Variants in ZNF763 observed in about 807,000 individuals in gnomAD.
The protein encoded by ZNF763 is zinc finger protein 763.
In ZNF763, 33 loss-of-function variants were observed where a neutral mutation model predicts 38.0. The observed-to-expected ratio is 0.87, with a 90% CI of 0.66 to 1.16. The LOEUF is 1.16. Among genes scored for constraint, ZNF763 ranks in the 50% most tolerant of loss-of-function variants. ZNF763 has a pLI of 0.00. For synonymous variants in ZNF763, 155 were observed against 160.1 expected, an observed-to-expected ratio of 0.97 and a Z score of 0.24; for missense variants, 423 against 469.1, an observed-to-expected ratio of 0.90 and a Z score of 0.91.
Position 11,978,619 on chromosome 19 carries a change from A to G in ZNF763, c.695A>G (p.Gln232Arg), listed in dbSNP as rs759495369. The change falls in exon 4 of 4, where the codon CAA becomes CGA. Residue 232 changes from glutamine to arginine, a missense_variant. Physicochemically the swap from Gln to Arg is conservative, Grantham distance 43 (BLOSUM62 1). Transcript: ENST00000358987. Reference protein sequence around the residue: ...HTGEKPYECKQCVKSFSYSAT... With the variant: ...HTGEKPYECKRCVKSFSYSAT... ...GGAGAGAAACCGTATGAATGTAAAC[A>G]ATGTGTTAAATCCTTTAGTTATTCT... The G allele has an allele frequency of 1.2e-6, 2 of 1,614,098 alleles. No homozygotes were observed. Among genetic ancestry groups the G allele is most frequent in the East Asian group, 4.5e-5 (2 of 44,868 alleles).
Position 11,979,470 on chromosome 19 carries a change from C to A in ZNF763, c.*361C>A, listed in dbSNP as rs1464741032. 1.9e-6 allele frequency: 3 copies of A among 1,598,686 alleles called. No homozygotes were observed. The highest frequency in any genetic ancestry group is 3.4e-5 in the Admixed American group (2 of 58,960). Reference sequence around the variant, plus strand: ...GGAGAAAGACCTTATAAATGTAAGACATGTGGGAAAGGCTTTTATTCTCCC... The same window carrying A: ...GGAGAAAGACCTTATAAATGTAAGAAATGTGGGAAAGGCTTTTATTCTCCC... On this transcript the variant is annotated 3_prime_UTR_variant, in exon 4 of 4. Transcript: ENST00000358987.
rs374067362 is a variant in ZNF763 at position 11,977,025 on chromosome 19, T to C, written c.4-13T>C. ...TCTCACCCAGCCTCCTCTACACATG[T>C]GAGATGTTTCAGGACCCTGTGGCCT... is the stretch of plus-strand genomic sequence containing the variant. On this transcript the variant is annotated splice_polypyrimidine_tract_variant and intron_variant, in intron 1 of 3. Transcript: ENST00000358987. The C allele has an allele frequency of 6.3e-7, 1 of 1,598,980 alleles. No homozygotes were observed. Among genetic ancestry groups the C allele is most frequent in the Non-Finnish European group, 8.6e-7 (1 of 1,166,378 alleles).
chr19:11,967,857 A>G (rs1285665230), intron 1 of ZNF763, among the ~76,000 whole-genome samples: 4 of 152,360 alleles, frequency 2.6e-5, no homozygotes, highest in African/African-American at 9.6e-5. Flanking sequence ...AGCTGTGCCT[A>G]CGTGCATGTG....
At position 11,965,230 on chromosome 19, in the gene ZNF763, T is replaced by TTG. The variant is rs756769443; in HGVS notation, c.3+21_3+22dup. 6.2e-7 allele frequency: 1 copy of TTG among 1,613,934 alleles called. No individual in the cohort carries two copies. The highest frequency in any genetic ancestry group is 1.7e-5 in the Admixed American group (1 of 60,026). ...GGAAATGGTGCGTGTGCATAGCCGG[T>TTG]TGTCCCGAGACGGGGTAGAGGCTGC... is the stretch of plus-strand genomic sequence containing the variant. On this transcript the variant is annotated intron_variant, in intron 1 of 3. Coordinates refer to ENST00000358987, the MANE Select transcript of ZNF763 (RefSeq NM_001367172.2).
chr19:11,971,524 G>A (rs1251196865), intron 1 of ZNF763, among the ~76,000 whole-genome samples: 2 of 151,872 alleles, frequency 1.3e-5, no homozygotes, highest in South Asian at 2.1e-4. Flanking sequence ...TCAGTTTTTA[G>A]AAGTACTTTT....
At chr19:11,974,931 T>A (rs1222021607) in intron 1 of ZNF763, among the ~76,000 whole-genome samples, 1 of 152,158 alleles carries the variant, frequency 6.6e-6, no homozygotes, top group East Asian at 1.9e-4. Context: ...CATTACTTAC[T>A]GTGAAACAAA....
chr19:11,967,778 A>G (rs1417216385), intron 1 of ZNF763, among the ~76,000 whole-genome samples: 8 of 152,236 alleles, frequency 5.3e-5, no homozygotes, highest in Admixed American at 5.2e-4. Flanking sequence ...ATCCTCATAA[A>G]GCAAGTGGAG....
At chr19:11,976,603 A>C (rs1194205069) in intron 1 of ZNF763, among the ~76,000 whole-genome samples, 3 of 150,164 alleles carry the variant, frequency 2.0e-5, no homozygotes, top group African/African-American at 7.4e-5. Context: ...GTGGTGGCTC[A>C]TGCCTGTAAT....
rs976753161 is a variant in ZNF763, at chr19:11,979,642, T to G, written c.*533T>G. The G allele has an allele frequency of 4.7e-5, 75 of 1,605,366 alleles. No individual in the cohort carries two copies. The highest frequency in any genetic ancestry group is 5.6e-5 in the Non-Finnish European group (66 of 1,173,770). ...AGAAACCCTATGAGTGTAAGCAATG[T>G]GGGAAAGCCTTCAGATCTGCCTCAA... On this transcript the variant is annotated 3_prime_UTR_variant, in exon 4 of 4. Transcript: ENST00000358987.
At position 11,979,615 on chromosome 19, in the gene ZNF763, A is replaced by T. The variant is rs1007108064; in HGVS notation, c.*506A>T. ...GGTACCATGAAAGGACTCACACTGG[A>T]GAGAAACCCTATGAGTGTAAGCAAT... On this transcript the variant is annotated 3_prime_UTR_variant, in exon 4 of 4. Coordinates refer to ENST00000358987, the MANE Select transcript of ZNF763 (RefSeq NM_001367172.2). 1 of 1,605,860 alleles carries T rather than the reference A, an allele frequency of 6.2e-7. No individual in the cohort carries two copies. The highest frequency in any genetic ancestry group is 1.3e-5 in the African/African-American group (1 of 74,700).
intron 1 of ZNF763, among the ~76,000 whole-genome samples, chr19:11,969,035 C>T (rs2145326432): frequency 6.6e-6 from 1 of 152,264 alleles, no homozygotes; most frequent in Non-Finnish European, 1.5e-5. Context: ...TGACTCAACC[C>T]CATGATCACA....
rs1167874943 is a variant in ZNF763 at position 11,979,426 on chromosome 19, A to G, written c.*317A>G. The G allele has an allele frequency of 6.9e-6, 11 of 1,605,688 alleles. No homozygotes were observed. The highest frequency in any genetic ancestry group is 9.4e-6 in the Non-Finnish European group (11 of 1,176,186). Reference sequence around the variant, plus strand: ...TTCAAATTCATGAAAGGACACAAACACACATAAGAATACACTCTGGAGAAA... The same window carrying G: ...TTCAAATTCATGAAAGGACACAAACGCACATAAGAATACACTCTGGAGAAA... On this transcript the variant is annotated 3_prime_UTR_variant, in exon 4 of 4. Transcript: ENST00000358987.
chr19:11,975,547 G>A (rs1253907565), intron 1 of ZNF763, among the ~76,000 whole-genome samples: 4 of 151,952 alleles, frequency 2.6e-5, no homozygotes, highest in Admixed American at 6.6e-5. Context: ...ACAGGCGCCC[G>A]CCACCGCGTC....
chr19:11,966,662 C>A (rs1430753415), intron 1 of ZNF763, among the ~76,000 whole-genome samples: 1 of 152,194 alleles, frequency 6.6e-6, no homozygotes, highest in African/African-American at 2.4e-5. Context: ...ATGTGAGCCA[C>A]CTCGCCTGGC....
In ZNF763 at chr19:11,980,254, T is replaced by C; in HGVS notation, c.*1145T>C. 1 of 340,972 alleles carries C rather than the reference T, an allele frequency of 2.9e-6. No individual in the cohort carries two copies. Among genetic ancestry groups the C allele is most frequent in the Non-Finnish European group, 5.4e-6 (1 of 183,948 alleles). 21.1% of individuals were successfully genotyped at this position (340,972 alleles called of 1,614,324 possible). ...AAATTGGCCAGGCGTGGTGGCCTGC[T>C]TCTGTAATCCTAGCTAGTTGGGAGG... is the stretch of plus-strand genomic sequence containing the variant. On this transcript the variant is annotated 3_prime_UTR_variant, in exon 4 of 4. Coordinates refer to ENST00000358987, the MANE Select transcript of ZNF763 (RefSeq NM_001367172.2).
At chr19:11,974,118 T>TTTCC (rs1973420821) in intron 1 of ZNF763, among the ~76,000 whole-genome samples, 1 of 69,064 alleles carries the variant, frequency 1.4e-5, no homozygotes, top group African/African-American at 5.3e-5. Context: ...TCTTTCTTTC[T>TTTCC]TTCTTTCTTT....
In ZNF763 at chr19:11,976,723, G is replaced by A. The variant is rs567906217; in HGVS notation, c.4-315G>A. The A allele has an allele frequency of 2.8e-4, 95 of 345,222 alleles. No homozygotes were observed. The South Asian group carries it at 2.8e-3, about 10-fold the overall frequency. The allele number at this position is 345,222 out of a possible 1,614,324, so 21.4% of individuals were successfully genotyped here. A position where few individuals can be genotyped will look rare whatever the true frequency, so the allele number is the denominator to read the frequency against. On this transcript the variant is annotated intron_variant, in intron 1 of 3. Coordinates refer to ENST00000358987, the MANE Select transcript of ZNF763 (RefSeq NM_001367172.2). The stretch of plus-strand genomic sequence containing the variant: ...CTCTACTAAAAATACAAAATTAGCC[G>A]GGTGTGGTGGCGCATGCCTGTAATC...
chr19:11,980,291 G>T lies in ZNF763; in HGVS notation c.*1182G>T. ...AGCTAGTTGGGAGGCTGGCACAGGA[G>T]AATCGCTTGAATCTGGGGGGCAGAG... On this transcript the variant is annotated 3_prime_UTR_variant, in exon 4 of 4. Coordinates refer to ENST00000358987, the MANE Select transcript of ZNF763 (RefSeq NM_001367172.2). 1 of 267,368 alleles carries T rather than the reference G, an allele frequency of 3.7e-6. No homozygotes were observed. The highest frequency in any genetic ancestry group is 7.1e-6 in the Non-Finnish European group (1 of 141,276). The allele number at this position is 267,368 out of a possible 1,614,324, so 16.6% of individuals were successfully genotyped here. A position where few individuals can be genotyped will look rare whatever the true frequency, so the allele number is the denominator to read the frequency against.
intron 1 of ZNF763, among the ~76,000 whole-genome samples, chr19:11,967,840 T>A (rs1568305608): frequency 6.6e-6 from 1 of 152,244 alleles, no homozygotes; most frequent in Non-Finnish European, 1.5e-5. Context: ...ATGTAAAGAC[T>A]AAACTAAGCT....
Sources: gnomAD v4.1 joint callset for allele counts (sites outside exome capture counted in the v4.1 genomes callset) on GRCh38, gnomAD v4.1.1 for gene constraint, MANE v1.5 for transcripts, NCBI Gene and HGNC (gene_info 2026-07-23, HGNC 2026-07-21) for gene names.